Variants in SEMA3E observed in about 807,000 individuals in gnomAD.
The protein encoded by SEMA3E is semaphorin-3E.
Under a neutral mutation model 93.6 loss-of-function variants are expected in SEMA3E, and 49 were observed. The ratio of observed to expected loss-of-function variants is 0.52; its 90% CI spans 0.42 to 0.66. SEMA3E has a LOEUF of 0.66. SEMA3E is among the 30% of genes least tolerant of loss of function. The pLI is 0.00. For synonymous variants in SEMA3E, 363 were observed against 330.7 expected (o/e 1.10, Z -1.06); for missense variants, 906 against 964.8 (o/e 0.94, Z 0.81).
intron 4 of SEMA3E, among the ~76,000 whole-genome samples, chr7:83,447,833 A>T (rs748310602): frequency 2.2e-4 from 33 of 152,186 alleles, no homozygotes; most frequent in Non-Finnish European, 4.4e-4. Context: ...TAACAAAAAG[A>T]TTTATTTCTG....
chr7:83,472,558 A>G (rs1437388168), intron 2 of SEMA3E, among the ~76,000 whole-genome samples: 1 of 151,938 alleles, frequency 6.6e-6, no homozygotes, highest in African/African-American at 2.4e-5. Context: ...AGCTCAGTCC[A>G]CCTCCTTTCT....
At chr7:83,638,838 G>A (rs563749187) in intron 1 of SEMA3E, among the ~76,000 whole-genome samples, 3 of 152,180 alleles carry the variant, frequency 2.0e-5, no homozygotes, top group East Asian at 3.9e-4. Flanking sequence ...CTGGCCGGGC[G>A]CGGTGGCTCA....
chr7:83,529,063 G>A (rs770000696), intron 1 of SEMA3E, among the ~76,000 whole-genome samples: 25 of 152,228 alleles, frequency 1.6e-4, no homozygotes, highest in Non-Finnish European at 2.9e-4. Flanking sequence ...TTCTGGTAGA[G>A]TATTTGAAAT....
At chr7:83,434,618 T>C (rs1330437771) in intron 4 of SEMA3E, among the ~76,000 whole-genome samples, 1 of 152,156 alleles carries the variant, frequency 6.6e-6, no homozygotes, top group African/African-American at 2.4e-5. Context: ...AAATTTACTT[T>C]TGTTCTTCCT....
chr7:83,613,301 A>G (rs1793302881), intron 1 of SEMA3E, among the ~76,000 whole-genome samples: 1 of 152,048 alleles, frequency 6.6e-6, no homozygotes, highest in African/African-American at 2.4e-5. Flanking sequence ...AAGAAAATCT[A>G]AAAATATACA....
At chr7:83,513,459 T>G (rs2115656824) in intron 1 of SEMA3E, among the ~76,000 whole-genome samples, 1 of 152,358 alleles carries the variant, frequency 6.6e-6, no homozygotes, top group Non-Finnish European at 1.5e-5. Flanking sequence ...AGTAGAGTAT[T>G]AATGAATACA....
chr7:83,602,560 C>T (rs1257660166), intron 1 of SEMA3E, among the ~76,000 whole-genome samples: 1 of 151,968 alleles, frequency 6.6e-6, no homozygotes, highest in African/African-American at 2.4e-5. Flanking sequence ...TCACTGCAAC[C>T]TCCGCCTCCT....
At chr7:83,606,911 T>G (rs1162725587) in intron 1 of SEMA3E, among the ~76,000 whole-genome samples, 1 of 152,164 alleles carries the variant, frequency 6.6e-6, no homozygotes, top group Non-Finnish European at 1.5e-5. Context: ...ATATCTGATG[T>G]TAAAGCTAAA....
Position 83,610,536 on chromosome 7 carries a change from C to G in SEMA3E, c.115+37892G>C, listed in dbSNP as rs183609172. ...ATGCTGCTCTGCAATTTTACATTTT[C>G]CTAGCCCATTCTAGAAAATATGATA... is the stretch of plus-strand genomic sequence containing the variant. On this transcript the variant is annotated intron_variant, in intron 1 of 16. Coordinates refer to ENST00000643230, the MANE Select transcript of SEMA3E (RefSeq NM_012431.3). Among the ~76,000 whole-genome samples, 277 of 152,136 alleles carry G rather than the reference C, an allele frequency of 1.8e-3. 3 individuals are homozygous for G. Among genetic ancestry groups the G allele is most frequent in the Middle Eastern group, 0.01 (3 of 294 alleles).
intron 1 of SEMA3E, among the ~76,000 whole-genome samples, chr7:83,521,651 T>C (rs1279810785): frequency 6.6e-6 from 1 of 152,094 alleles, no homozygotes; most frequent in Non-Finnish European, 1.5e-5. Context: ...CAACCCAATT[T>C]GGTTCCTGGT....
chr7:83,559,338 A>G (rs1239755589), intron 1 of SEMA3E, among the ~76,000 whole-genome samples: 1 of 152,124 alleles, frequency 6.6e-6, no homozygotes, highest in Non-Finnish European at 1.5e-5. Context: ...ATGTTTTGTT[A>G]TATCCATATT....
rs540861080 is a variant in SEMA3E at position 83,474,113 on chromosome 7, A to G, written c.277-4811T>C. Among the ~76,000 whole-genome samples the G allele has an allele frequency of 2.9e-3, 444 of 150,776 alleles. 1 individual carries two copies. The highest frequency in any genetic ancestry group is 7.9e-3 in the Admixed American group (119 of 15,154). ...TCTCAATTAAAAAAAAAAAAAAAAAAAAAGAAAAATAAGACGTATGCTTTT... is the reference window on the plus strand; with the variant it reads ...TCTCAATTAAAAAAAAAAAAAAAAAGAAAGAAAAATAAGACGTATGCTTTT... On this transcript the variant is annotated intron_variant, in intron 2 of 16. Coordinates refer to ENST00000643230, the MANE Select transcript of SEMA3E (RefSeq NM_012431.3).
intron 1 of SEMA3E, among the ~76,000 whole-genome samples, chr7:83,614,657 G>A (rs1793328831): frequency 1.3e-5 from 2 of 152,088 alleles, no homozygotes; most frequent in Admixed American, 6.6e-5. Flanking sequence ...ATCCTGCTTA[G>A]CAAGCAACCT....
intron 2 of SEMA3E, among the ~76,000 whole-genome samples, chr7:83,472,593 A>G (rs1789922035): frequency 6.6e-6 from 1 of 152,186 alleles, no homozygotes; most frequent in South Asian, 2.1e-4. Flanking sequence ...ATTTCAAGGG[A>G]GCACCATCTG....
At chr7:83,490,007 A>T in intron 2 of SEMA3E, 107 bp downstream of exon 2, 3 of 965,128 alleles carry the variant, frequency 3.1e-6, no homozygotes, top group Non-Finnish European at 4.7e-6. Context: ...AAAAGTAATC[A>T]CTCAAAATTT....
intron 1 of SEMA3E, among the ~76,000 whole-genome samples, chr7:83,586,846 T>C (rs894420414): frequency 1.3e-5 from 2 of 152,004 alleles, no homozygotes; most frequent in African/African-American, 4.8e-5. Context: ...AACTCCGAAA[T>C]TGCTATATTC....
intron 4 of SEMA3E, among the ~76,000 whole-genome samples, chr7:83,458,499 A>G (rs1030694025): frequency 2.6e-5 from 4 of 152,154 alleles, no homozygotes; most frequent in South Asian, 2.1e-4. Context: ...GAAATCTAGA[A>G]GCTGTGGTAT....
chr7:83,574,547 AC>A (rs771275114), intron 1 of SEMA3E, among the ~76,000 whole-genome samples: 1 of 123,370 alleles, frequency 8.1e-6, no homozygotes, highest in African/African-American at 3.4e-5. Context: ...ACTTTTGGGT[AC>A]TCTTTACCCA....
chr7:83,618,314 G>A (rs1793470870), intron 1 of SEMA3E, among the ~76,000 whole-genome samples: 1 of 151,992 alleles, frequency 6.6e-6, no homozygotes, highest in African/African-American at 2.4e-5. Flanking sequence ...TTAAACTCAG[G>A]TTTCTCAGAT....
Sources: gnomAD v4.1 joint callset for allele counts (sites outside exome capture counted in the v4.1 genomes callset) on GRCh38, gnomAD v4.1.1 for gene constraint, MANE v1.5 for transcripts, NCBI Gene and HGNC (gene_info 2026-07-23, HGNC 2026-07-21) for gene names.